Variants in TBC1D2 observed in about 807,000 individuals in gnomAD.
TBC1D2 encodes TBC1 domain family member 2A.
A neutral mutation model predicts 91.1 loss-of-function variants in TBC1D2; 58 were observed. The observed-to-expected ratio is 0.64, with a 90% CI of 0.52 to 0.79. The LOEUF (loss-of-function observed/expected upper bound fraction) is 0.79. Among genes scored for constraint, TBC1D2 ranks in the 30% least tolerant of loss-of-function variants. The pLI, the probability that TBC1D2 is intolerant of heterozygous loss-of-function variation, is 0.00. For synonymous variants in TBC1D2, 482 were observed against 511.5 expected, an observed-to-expected ratio of 0.94 and a Z score of 0.78; for missense variants, 1,080 against 1,208.3, an observed-to-expected ratio of 0.89 and a Z score of 1.57.
At chr9:98,230,286 T>C (rs2119127403) in intron 4 of TBC1D2, among the ~76,000 whole-genome samples, 1 of 152,378 alleles carries the variant, frequency 6.6e-6, no homozygotes, top group South Asian at 2.1e-4. Flanking sequence ...GGAAATAATC[T>C]AGCTGCTTGC....
intron 6 of TBC1D2, among the ~76,000 whole-genome samples, chr9:98,219,979 G>A (rs1564243600): frequency 6.6e-6 from 1 of 152,254 alleles, no homozygotes; most frequent in East Asian, 1.9e-4. Context: ...GGAGGCTGCG[G>A]GTCACGGCAG....
chr9:98,246,279 A>G lies in TBC1D2; in HGVS notation c.512-2150T>C, dbSNP rs531766137. ...AGGAGCGGAGATTTGTTTTTGCACTATATCTGCAAAAAGGGTGTGGGTATA... is the reference window on the plus strand; with the variant it reads ...AGGAGCGGAGATTTGTTTTTGCACTGTATCTGCAAAAAGGGTGTGGGTATA... On this transcript the variant is annotated intron_variant, in intron 2 of 12. Transcript: ENST00000465784. Among the ~76,000 whole-genome samples, 133 of 152,196 alleles carry G rather than the reference A, an allele frequency of 8.7e-4. 1 individual carries two copies. Among genetic ancestry groups the G allele is most frequent in the Non-Finnish European group, 1.6e-3 (106 of 68,040 alleles).
At chr9:98,225,148 C>T (rs1176042665) in intron 5 of TBC1D2, among the ~76,000 whole-genome samples, 1 of 152,214 alleles carries the variant, frequency 6.6e-6, no homozygotes, top group Admixed American at 6.5e-5. Context: ...GGCAGGGTCC[C>T]AGAGGGGTTC....
At chr9:98,209,756 T>TTCCCTTCCTTCCTTCCTTCCTTCC (rs369507489) in intron 8 of TBC1D2, among the ~76,000 whole-genome samples, 61 of 105,580 alleles carry the variant, frequency 5.8e-4, no homozygotes, top group African/African-American at 2.0e-3. Context: ...CCTTCCTTCC[T>TTCCCTTCCTTCCTTCCTTCCTTCC]TTCCTTCCTT....
chr9:98,230,722 C>A (rs1829346693), intron 4 of TBC1D2, among the ~76,000 whole-genome samples: 1 of 130,082 alleles, frequency 7.7e-6, no homozygotes, highest in African/African-American at 3.5e-5. Flanking sequence ...CACTTGAAGT[C>A]AGGAGTTCGA....
chr9:98,208,837 C>G lies in TBC1D2; in HGVS notation c.1981G>C (p.Ala661Pro). 6.2e-7 allele frequency: 1 copy of G among 1,609,028 alleles called. No homozygotes were observed. The highest frequency in any genetic ancestry group is 8.5e-7 in the Non-Finnish European group (1 of 1,175,962). The change falls in exon 9 of 13, where the codon GCC becomes CCC. Residue 661 changes from alanine (A) to proline (P), a missense_variant. Transcript: ENST00000465784. The part of the protein sequence containing the change: ...CYQELLSRGQ[A>P]REHPAARQIE... The stretch of plus-strand genomic sequence containing the variant: ...TGGCGGGCAGCAGGGTGCTCGCGGG[C>G]CTGGCCCCGGCTCAGCAGTTCCTGG...
intron 3 of TBC1D2, among the ~76,000 whole-genome samples, chr9:98,241,473 T>C (rs898687165): frequency 6.6e-6 from 1 of 152,136 alleles, no homozygotes; most frequent in Non-Finnish European, 1.5e-5. Context: ...CACCAAGTAG[T>C]CTGGGGCTCT....
Position 98,213,182 on chromosome 9 carries a change from G to A in TBC1D2, c.1411C>T (p.Leu471Phe), listed in dbSNP as rs764109469. Reference sequence around the variant, plus strand: ...GTGACCTGGTGGATCTCGGAGTTGAGGAAGCAGTTCTGGGTCCGGTAAGCT... The same window carrying A: ...GTGACCTGGTGGATCTCGGAGTTGAAGAAGCAGTTCTGGGTCCGGTAAGCT... ...MEAYRTQNCF[L>F]NSEIHQVTKI... The change falls in exon 7 of 13, where the codon CTC (leucine) becomes TTC (phenylalanine). Residue 471 changes from leucine to phenylalanine, a missense_variant. Transcript: ENST00000465784. 2.5e-6 allele frequency: 4 copies of A among 1,613,988 alleles called. No individual in the cohort carries two copies.
intron 3 of TBC1D2, among the ~76,000 whole-genome samples, chr9:98,239,037 T>A (rs1231420027): frequency 2.0e-5 from 3 of 152,026 alleles, no homozygotes; most frequent in African/African-American, 4.8e-5. Flanking sequence ...TCTAGACTTT[T>A]AAAAAAATTA....
At chr9:98,209,979 C>T (rs1828786583) in intron 8 of TBC1D2, among the ~76,000 whole-genome samples, 1 of 149,892 alleles carries the variant, frequency 6.7e-6, no homozygotes, top group Non-Finnish European at 1.5e-5. Context: ...CAGGCGTGCA[C>T]CACCACTCTT....
chr9:98,244,190 G>C, intron 2 of TBC1D2, 61 bp from the exon 3 acceptor site: 4 of 1,598,016 alleles, frequency 2.5e-6, no homozygotes, highest in Non-Finnish European at 3.4e-6. Context: ...AGACAGGTCA[G>C]GTGGGATGCT....
chr9:98,200,197 A>T, intron 12 of TBC1D2, 56 bp downstream of exon 12: 2 of 1,601,178 alleles, frequency 1.2e-6, no homozygotes, highest in Non-Finnish European at 1.7e-6. Context: ...CCCCTCTGCT[A>T]TGTGTCCTTG....
At chr9:98,219,391 G>A (rs1267486436) in intron 6 of TBC1D2, among the ~76,000 whole-genome samples, 1 of 151,816 alleles carries the variant, frequency 6.6e-6, no homozygotes, top group Non-Finnish European at 1.5e-5. Context: ...TTCTCCATCT[G>A]CCCTCACCGA....
chr9:98,226,220 T>C lies in TBC1D2; in HGVS notation c.978+2732A>G, dbSNP rs77440244. The stretch of plus-strand genomic sequence containing the variant: ...GGGGCTGCCATTCCTCCCTTCCTAA[T>C]GTGGAATGAAGACCTAAGCTCCCTG... On this transcript the variant is annotated intron_variant, in intron 5 of 12. Transcript: ENST00000465784. Among the ~76,000 whole-genome samples the C allele has an allele frequency of 2.6e-3, 393 of 152,280 alleles. 2 individuals are homozygous for C. Among genetic ancestry groups the C allele is most frequent in the African/African-American group, 9.3e-3 (386 of 41,556 alleles).
At chr9:98,200,103 ACAGT>A in intron 12 of TBC1D2, 146 bp downstream of exon 12, 5 of 1,206,728 alleles carry the variant, frequency 4.1e-6, no homozygotes, top group Non-Finnish European at 5.8e-6. Context: ...TATCACTCAG[ACAGT>A]CAGACTTCCC....
chr9:98,230,510 G>T (rs528835456), intron 4 of TBC1D2, among the ~76,000 whole-genome samples: 1 of 152,320 alleles, frequency 6.6e-6, no homozygotes, highest in African/African-American at 2.4e-5. Flanking sequence ...CAGGATAGGG[G>T]ACACGCAGGG....
At chr9:98,226,058 C>T (rs1303250282) in intron 5 of TBC1D2, among the ~76,000 whole-genome samples, 1 of 152,210 alleles carries the variant, frequency 6.6e-6, no homozygotes, top group Non-Finnish European at 1.5e-5. Context: ...TAATGAGGGT[C>T]TCAGATGGAC....
intron 10 of TBC1D2, among the ~76,000 whole-genome samples, chr9:98,202,285 C>T (rs973522533): frequency 3.3e-5 from 5 of 152,242 alleles, no homozygotes; most frequent in Admixed American, 6.5e-5. Flanking sequence ...CCTTGTTTCA[C>T]TGGATGGGTT....
At chr9:98,233,615 C>T (rs1829428132) in intron 3 of TBC1D2, 66 bp from the exon 4 acceptor site, 13 of 1,580,864 alleles carry the variant, frequency 8.2e-6, no homozygotes, top group South Asian at 4.7e-5. Context: ...CTGTCCTTCC[C>T]GCCACCACTG....
Sources: gnomAD v4.1 joint callset for allele counts (sites outside exome capture counted in the v4.1 genomes callset) on GRCh38, gnomAD v4.1.1 for gene constraint, MANE v1.5 for transcripts, NCBI Gene and HGNC (gene_info 2026-07-23, HGNC 2026-07-21) for gene names.